The following ACOT12 variants were observed in gnomAD, a reference collection of about 807,000 sequenced individuals.
ACOT12 encodes the protein acyl-CoA thioesterase 12, also known as acetyl-coenzyme A thioesterase.
In ACOT12, 51 loss-of-function variants were observed where a neutral mutation model predicts 67.7. The observed-to-expected ratio is 0.75, with a 90% confidence interval of 0.60 to 0.95. ACOT12 has a LOEUF of 0.95. Among genes scored for constraint, ACOT12 ranks in the 40% least tolerant of loss-of-function variants. The probability of loss-of-function intolerance (pLI) is 0.00; values close to 1 mark genes in which losing one functional copy is unlikely to be tolerated. For synonymous variants in ACOT12, 251 were observed against 244.6 expected, an observed-to-expected ratio of 1.03 and a Z score of -0.24; for missense variants, 734 against 708.1, an observed-to-expected ratio of 1.04 and a Z score of -0.41.
At chr5:81,360,962 C>T (rs1479137610) in intron 4 of ACOT12, among the ~76,000 whole-genome samples, 1 of 150,392 alleles carries the variant, frequency 6.6e-6, no homozygotes, top group Non-Finnish European at 1.5e-5. Flanking sequence ...CCTGTAATCC[C>T]AGCTACTTAG....
the ACOT12 span, among the ~76,000 whole-genome samples, chr5:81,324,141 A>G: frequency 6.6e-6 from 1 of 151,914 alleles, no homozygotes; most frequent in Admixed American, 6.6e-5. Flanking sequence ...GGGTTTCACC[A>G]TGTTGGCCAG....
rs996036946 is a variant in ACOT12, at chr5:81,369,201, G to A, written c.258+2549C>T. On this transcript the variant is annotated intron_variant, in intron 3 of 14. Coordinates refer to ENST00000307624, the MANE Select transcript of ACOT12 (RefSeq NM_130767.3). ...CATATAATGTGCTCTTAGTGCAAAT[G>A]AGACAATATCATCTATTAATAGTAA... is the stretch of plus-strand genomic sequence containing the variant. Among the ~76,000 whole-genome samples, 33 of 151,790 alleles carry A rather than the reference G, an allele frequency of 2.2e-4. 1 individual carries two copies. The highest frequency in any genetic ancestry group is 6.9e-3 in the Middle Eastern group (2 of 288).
chr5:81,342,692 C>G lies in ACOT12; in HGVS notation c.1108G>C (p.Val370Leu), dbSNP rs1759236219. 9.9e-6 allele frequency: 16 copies of G among 1,614,188 alleles called. No individual in the cohort carries two copies. The highest frequency in any genetic ancestry group is 1.2e-5 in the Non-Finnish European group (14 of 1,180,016). ...CCTACCTTTTCCACAGTGCTGGTAA[C>G]CTCCCAACCCCTTTTGGCTGCCAGT... ...KKLAAKRGWEVTSTVEKIKIY... is the reference protein window; with the variant it reads ...KKLAAKRGWELTSTVEKIKIY... Residue 370 changes from valine to leucine, a missense_variant, in exon 11 of 15, where the codon GTT becomes CTT. Coordinates refer to ENST00000307624, the MANE Select transcript of ACOT12 (RefSeq NM_130767.3).
chr5:81,339,630 A>G (rs189817667), intron 11 of ACOT12, among the ~76,000 whole-genome samples: 384 of 152,312 alleles, frequency 2.5e-3, no homozygotes, highest in African/African-American at 5.6e-3. Context: ...GGAATTGCCT[A>G]TAAGAGCTGA....
At chr5:81,385,945 G>A (rs1760715194) in intron 1 of ACOT12, 119 bp from the exon 2 acceptor site, 1 of 837,796 alleles carries the variant, frequency 1.2e-6, no homozygotes, top group Admixed American at 2.1e-5. Flanking sequence ...ATTCATTATA[G>A]CACCACTGTG....
the ACOT12 span, among the ~76,000 whole-genome samples, chr5:81,310,523 T>A: frequency 6.6e-6 from 1 of 152,204 alleles, no homozygotes; most frequent in Non-Finnish European, 1.5e-5. Context: ...ATTAGGTCAT[T>A]TTTCTAAGTC....
At chr5:81,386,604 C>A (rs1760730585) in intron 1 of ACOT12, among the ~76,000 whole-genome samples, 1 of 152,030 alleles carries the variant, frequency 6.6e-6, no homozygotes, top group African/African-American at 2.4e-5. Context: ...TTTTGAGAAA[C>A]ACAATTGAAA....
intron 5 of ACOT12, among the ~76,000 whole-genome samples, chr5:81,348,839 C>G (rs1272787691): frequency 1.3e-5 from 2 of 152,258 alleles, no homozygotes; most frequent in Non-Finnish European, 2.9e-5. Flanking sequence ...GCTGGGAATA[C>G]AGGCGTGAGC....
downstream of ACOT12, among the ~76,000 whole-genome samples, chr5:81,325,702 T>C (rs1236519007): frequency 6.6e-6 from 1 of 152,232 alleles, no homozygotes; most frequent in African/African-American, 2.4e-5. Flanking sequence ...TGCTTCATCC[T>C]TGCAGGTGTA....
At chr5:81,329,043 CTA>C (rs1407379876), downstream of ACOT12, among the ~76,000 whole-genome samples, 1 of 152,154 alleles carries the variant, frequency 6.6e-6, no homozygotes, top group Non-Finnish European at 1.5e-5. Context: ...CAGGAATAGA[CTA>C]TGCCTCTGTT....
downstream of ACOT12, among the ~76,000 whole-genome samples, chr5:81,325,531 C>G (rs1228247663): frequency 6.6e-6 from 1 of 152,046 alleles, no homozygotes; most frequent in African/African-American, 2.4e-5. Flanking sequence ...TAATGATGGA[C>G]CACGGAATCT....
At chr5:81,367,723 A>G (rs1381547903) in intron 3 of ACOT12, among the ~76,000 whole-genome samples, 1 of 152,238 alleles carries the variant, frequency 6.6e-6, no homozygotes, top group Non-Finnish European at 1.5e-5. Context: ...ACTCTACCAT[A>G]TAGATAATCA....
intron 11 of ACOT12, among the ~76,000 whole-genome samples, chr5:81,337,654 A>G (rs1156653961): frequency 6.6e-6 from 1 of 152,184 alleles, no homozygotes. Context: ...ACAGAAAATC[A>G]CCAGAAGCTA....
chr5:81,363,906 A>G lies in ACOT12; in HGVS notation c.259-17T>C, dbSNP rs1481771109. ...GATACTGATCTAAAATGAAAAAAAGATAAATAAATACACTCTTGGCCAGTT... is the reference window on the plus strand; with the variant it reads ...GATACTGATCTAAAATGAAAAAAAGGTAAATAAATACACTCTTGGCCAGTT... On this transcript the variant is annotated splice_polypyrimidine_tract_variant and intron_variant, in intron 3 of 14. Coordinates refer to ENST00000307624, the MANE Select transcript of ACOT12 (RefSeq NM_130767.3). 6.5e-7 allele frequency: 1 copy of G among 1,547,456 alleles called. No individual in the cohort carries two copies. The highest frequency in any genetic ancestry group is 8.7e-7 in the Non-Finnish European group (1 of 1,143,704).
At chr5:81,335,698 C>A in intron 12 of ACOT12, 70 bp downstream of exon 12, 1 of 1,509,224 alleles carries the variant, frequency 6.6e-7, no homozygotes, top group Non-Finnish European at 9.0e-7. Context: ...TGGAGATGGA[C>A]TTCAGTATGG....
At chr5:81,390,859 C>T (rs1377990583) in intron 1 of ACOT12, among the ~76,000 whole-genome samples, 1 of 152,098 alleles carries the variant, frequency 6.6e-6, no homozygotes, top group Non-Finnish European at 1.5e-5. Flanking sequence ...AGCTTAATTC[C>T]AGCATCAGGG....
chr5:81,369,335 A>T (rs536730096), intron 3 of ACOT12, among the ~76,000 whole-genome samples: 1 of 152,310 alleles, frequency 6.6e-6, no homozygotes, highest in Admixed American at 6.5e-5. Flanking sequence ...CTTGCTTTGG[A>T]TTCAGGGAGA....
the ACOT12 span, among the ~76,000 whole-genome samples, chr5:81,314,531 C>G: frequency 1.3e-5 from 2 of 152,140 alleles, no homozygotes; most frequent in African/African-American, 2.4e-5. Flanking sequence ...GGCAGAAATC[C>G]TGAGAGATCC....
intron 13 of ACOT12, 144 bp downstream of exon 13, chr5:81,332,333 C>G (rs1758854625): frequency 2.1e-6 from 2 of 940,948 alleles, no homozygotes; most frequent in Non-Finnish European, 3.0e-6. Context: ...AAAATAATAG[C>G]TAAAGATTCA....
Sources: allele counts gnomAD v4.1 joint callset (sites outside exome capture counted in the v4.1 genomes callset), GRCh38; gene constraint gnomAD v4.1.1; transcripts MANE v1.5; gene names NCBI Gene and HGNC (gene_info 2026-07-23, HGNC 2026-07-21).